Variants in ASPRV1 observed in about 807,000 individuals in gnomAD.
The protein encoded by ASPRV1 is retroviral-like aspartic protease 1.
A neutral mutation model predicts 11.0 loss-of-function variants in ASPRV1; 7 were observed. The observed-to-expected ratio is 0.64, with a 90% confidence interval of 0.36 to 1.20. The LOEUF is 1.20. ASPRV1 is among the 50% of genes most tolerant of loss of function. ASPRV1 has a pLI of 0.02. For missense variants in ASPRV1, 299 were observed against 320.0 expected, an observed-to-expected ratio of 0.93 and a Z score of 0.50; for synonymous variants, 136 against 138.4, an observed-to-expected ratio of 0.98 and a Z score of 0.12.
At chr2:69,962,276 C>T (rs765631891), upstream of ASPRV1, 51 of 166,728 alleles carry the variant, frequency 3.1e-4, no homozygotes, top group Non-Finnish European at 4.1e-4. Context: ...AGTAATTTTC[C>T]TTCATTGATC....
chr2:70,056,904 T>C, the ASPRV1 span, among the ~76,000 whole-genome samples: 1 of 151,730 alleles, frequency 6.6e-6, no homozygotes, highest in Non-Finnish European at 1.5e-5. Context: ...CCAGCTAATT[T>C]TTTTGTATTT....
the ASPRV1 span, among the ~76,000 whole-genome samples, chr2:70,075,476 G>C: frequency 6.6e-6 from 1 of 151,986 alleles, no homozygotes; most frequent in Non-Finnish European, 1.5e-5. Context: ...TCTATAAAAC[G>C]GGGATAAGAG....
chr2:69,957,438 G>C (rs13399790), downstream of ASPRV1, among the ~76,000 whole-genome samples: 812 of 151,418 alleles, frequency 5.4e-3, 7 homozygotes, highest in Middle Eastern at 0.024. Context: ...AGATTTTCTG[G>C]ATAAAAGCAT....
the ASPRV1 span, among the ~76,000 whole-genome samples, chr2:70,007,053 C>G: frequency 6.6e-6 from 1 of 152,214 alleles, no homozygotes; most frequent in Non-Finnish European, 1.5e-5. Context: ...GGACCTATCT[C>G]TTGGGCTGCT....
At chr2:70,019,222 C>A in the ASPRV1 span, 1 of 152,210 alleles carries the variant, frequency 6.6e-6, no homozygotes, top group African/African-American at 2.4e-5. Flanking sequence ...TATCACCTCA[C>A]TCTTGTTAGA....
the ASPRV1 span, chr2:69,936,977 G>A: frequency 3.3e-6 from 2 of 599,216 alleles, no homozygotes; most frequent in African/African-American, 1.8e-5. Flanking sequence ...GGCTACCAGG[G>A]TGCCAGTATG....
chr2:69,954,058 CTCACA>C, the ASPRV1 span, among the ~76,000 whole-genome samples: 3 of 152,182 alleles, frequency 2.0e-5, no homozygotes, highest in Admixed American at 2.0e-4. Flanking sequence ...AATGACATCT[CTCACA>C]TCAGCATCTA....
chr2:70,077,252 T>TAC, the ASPRV1 span: 2 of 152,200 alleles, frequency 1.3e-5, no homozygotes, highest in Non-Finnish European at 2.9e-5. Context: ...CAAAGATTAC[T>TAC]ACCTCCTAAG....
downstream of ASPRV1, among the ~76,000 whole-genome samples, chr2:69,957,402 C>A (rs59668910): frequency 7.5e-3 from 1,141 of 151,494 alleles, 16 homozygotes; most frequent in African/African-American, 0.027. Flanking sequence ...TTGCAACTTT[C>A]CTGTTAGTCT....
the ASPRV1 span, among the ~76,000 whole-genome samples, chr2:70,066,503 A>G: frequency 1.3e-5 from 2 of 152,134 alleles, no homozygotes; most frequent in African/African-American, 2.4e-5. Context: ...CCTCCCTCCT[A>G]AAGTGCTGGG....
At chr2:70,070,972 A>C in the ASPRV1 span, among the ~76,000 whole-genome samples, 1 of 152,116 alleles carries the variant, frequency 6.6e-6, no homozygotes, top group Admixed American at 6.6e-5. Context: ...TGTACACCAC[A>C]GTCCCTGGCA....
the ASPRV1 span, chr2:69,938,263 C>A: frequency 6.2e-7 from 1 of 1,614,154 alleles, no homozygotes; most frequent in Admixed American, 1.7e-5. Flanking sequence ...AGGACAGTCA[C>A]AAGGCGTGTC....
the ASPRV1 span, among the ~76,000 whole-genome samples, chr2:69,968,973 C>A: frequency 6.6e-6 from 1 of 152,252 alleles, no homozygotes; most frequent in Non-Finnish European, 1.5e-5. Flanking sequence ...GGGTTCCCTG[C>A]CTTTATCCAA....
At chr2:69,945,919 CTG>C in the ASPRV1 span, among the ~76,000 whole-genome samples, 27 of 152,238 alleles carry the variant, frequency 1.8e-4, no homozygotes, top group African/African-American at 5.8e-4. Context: ...GCAGGGAGCT[CTG>C]TGTCAGAAAT....
chr2:70,052,726 G>A, the ASPRV1 span, among the ~76,000 whole-genome samples: 2 of 152,202 alleles, frequency 1.3e-5, no homozygotes, highest in South Asian at 2.1e-4. Flanking sequence ...AACCTCCACA[G>A]AATCTGGATG....
chr2:69,963,666 C>T (rs191190456), upstream of ASPRV1, among the ~76,000 whole-genome samples: 118 of 152,322 alleles, frequency 7.7e-4, no homozygotes, highest in African/African-American at 2.7e-3. Context: ...GACTAGAAAT[C>T]GGTGGTCCCT....
chr2:69,986,068 C>T, the ASPRV1 span, among the ~76,000 whole-genome samples: 1 of 152,206 alleles, frequency 6.6e-6, no homozygotes, highest in Non-Finnish European at 1.5e-5. Context: ...AGGAAGCAGT[C>T]ATCCTTGACT....
the ASPRV1 span, among the ~76,000 whole-genome samples, chr2:70,063,643 A>T: frequency 1.1e-4 from 17 of 152,328 alleles, no homozygotes; most frequent in African/African-American, 4.1e-4. Context: ...TCTTGGCAGC[A>T]GAAATTTAGG....
chr2:69,937,356 G>T, the ASPRV1 span: 1 of 1,613,754 alleles, frequency 6.2e-7, no homozygotes, highest in Non-Finnish European at 8.5e-7. Flanking sequence ...GACAGCATCG[G>T]CTCCACCGTC....
Sources: gnomAD v4.1 joint callset for allele counts (sites outside exome capture counted in the v4.1 genomes callset) on GRCh38, gnomAD v4.1.1 for gene constraint, MANE v1.5 for transcripts, NCBI Gene and HGNC (gene_info 2026-07-23, HGNC 2026-07-21) for gene names.